Variants in CCDC80 observed in about 807,000 individuals in gnomAD.
CCDC80 encodes coiled-coil domain containing 80.
A neutral mutation model predicts 78.7 loss-of-function variants in CCDC80; 49 were observed. That is an observed-to-expected ratio of 0.62 (90% CI 0.50 to 0.79). The LOEUF is 0.79. Ranked by LOEUF, CCDC80 falls within the 30% of genes least tolerant of loss-of-function variation. CCDC80 has a pLI of 0.00. For missense variants in CCDC80, 1,205 were observed against 1,198.6 expected (o/e 1.01, Z -0.08); for synonymous variants, 488 against 447.0 (o/e 1.09, Z -1.16).
chr3:112,610,182 C>A, intron 5 of CCDC80, 101 bp from the exon 6 acceptor site: 1 of 959,284 alleles, frequency 1.0e-6, no homozygotes, highest in Admixed American at 2.1e-5. Flanking sequence ...TTTTTCTGTG[C>A]CCAGAAAAAA....
chr3:112,625,023 G>T (rs554372522), intron 3 of CCDC80, among the ~76,000 whole-genome samples: 1 of 152,220 alleles, frequency 6.6e-6, no homozygotes, highest in East Asian at 1.9e-4. Flanking sequence ...GGGGAGGTGG[G>T]AGTCTGAATT....
intron 3 of CCDC80, among the ~76,000 whole-genome samples, chr3:112,622,641 C>A (rs2107483748): frequency 6.6e-6 from 1 of 151,906 alleles, no homozygotes; most frequent in South Asian, 2.1e-4. Context: ...AAGAAAAATT[C>A]TTTTTTTAAA....
intron 6 of CCDC80, 112 bp from the exon 7 acceptor site, chr3:112,607,368 G>A (rs1025435887): frequency 2.6e-5 from 18 of 684,238 alleles, no homozygotes; most frequent in African/African-American, 2.4e-4. Flanking sequence ...AAAGAATATA[G>A]AGCATAACCC....
At chr3:112,608,797 T>C (rs927363321) in intron 6 of CCDC80, among the ~76,000 whole-genome samples, 11 of 152,202 alleles carry the variant, frequency 7.2e-5, no homozygotes, top group Admixed American at 5.9e-4. Flanking sequence ...AATAAAAATT[T>C]CTGAATTTTC....
intron 3 of CCDC80, 119 bp downstream of exon 3, chr3:112,629,994 C>T: frequency 1.1e-6 from 1 of 906,972 alleles, no homozygotes; most frequent in East Asian, 2.6e-5. Flanking sequence ...GTTATCACAA[C>T]CAAAGAGCCC....
intron 3 of CCDC80, among the ~76,000 whole-genome samples, chr3:112,628,223 C>T (rs1936019675): frequency 6.6e-6 from 1 of 152,046 alleles, no homozygotes; most frequent in Admixed American, 6.6e-5. Context: ...TTGAAAAATC[C>T]AGGAAACAAA....
In CCDC80 at chr3:112,639,827, C is replaced by T; in HGVS notation, c.79G>A (p.Ala27Thr). Residue 27 changes from alanine to threonine, a missense_variant, in exon 2 of 8, where the codon GCC becomes ACC. Coordinates refer to ENST00000206423, the MANE Select transcript of CCDC80 (RefSeq NM_199511.3). Reference sequence around the variant, plus strand: ...CCTCCGTGGCTGCCTCTAATAGTGGCATGGGGGTGGGGTTCTGATCCACAC... The same window carrying T: ...CCTCCGTGGCTGCCTCTAATAGTGGTATGGGGGTGGGGTTCTGATCCACAC... ...LVCGSEPHPH[A>T]TIRGSHGGRK... is the part of the protein sequence containing the mutation. 6.2e-7 allele frequency: 1 copy of T among 1,614,088 alleles called. No individual in the cohort carries two copies. Among genetic ancestry groups the T allele is most frequent in the Non-Finnish European group, 8.5e-7 (1 of 1,180,030 alleles).
rs61732242 is a variant in CCDC80, at chr3:112,610,009, G to A, written c.2394C>T (p.Leu798=). The part of the protein sequence containing the change: ...NDEDWAYSQQ[L]SALSGQACNF... ...TGCACGCCTGACCACTGAGGGCAGA[G>A]AGCTGCTGTGAATAGGCCCAGTCTT... The change falls in exon 6 of 8, where the codon CTC becomes CTT. Residue 798 remains leucine (L), a synonymous_variant. Coordinates refer to ENST00000206423, the MANE Select transcript of CCDC80 (RefSeq NM_199511.3). 6.2e-7 allele frequency: 1 copy of A among 1,614,018 alleles called. No individual in the cohort carries two copies. Among genetic ancestry groups the A allele is most frequent in the East Asian group, 2.2e-5 (1 of 44,874 alleles).
chr3:112,617,998 A>G (rs540262232), intron 4 of CCDC80, among the ~76,000 whole-genome samples: 1 of 152,250 alleles, frequency 6.6e-6, no homozygotes, highest in Non-Finnish European at 1.5e-5. Flanking sequence ...ACCTTGGGCT[A>G]GTTACTTAAC....
intron 4 of CCDC80, among the ~76,000 whole-genome samples, chr3:112,617,231 T>C (rs1234221370): frequency 6.6e-6 from 1 of 152,162 alleles, no homozygotes; most frequent in Admixed American, 6.5e-5. Context: ...GGAAACTAAA[T>C]GGAATAACAT....
rs71633304 is a variant in CCDC80 at position 112,601,677 on chromosome 3, C to CAAAAAAAAAAAAAA, written c.*3739_*3740insTTTTTTTTTTTTTT. The CAAAAAAAAAAAAAA allele has an allele frequency of 3.5e-5, 3 of 86,340 alleles. No individual in the cohort carries two copies. Among genetic ancestry groups the CAAAAAAAAAAAAAA allele is most frequent in the African/African-American group, 1.6e-4 (3 of 19,320 alleles). 5.3% of individuals were successfully genotyped at this position (86,340 alleles called of 1,614,324 possible). A position where few individuals can be genotyped will look rare whatever the true frequency, so the allele number is the denominator to read the frequency against. ...CTGGGTGACAGAGTGAGACCCTCTC[C>CAAAAAAAAAAAAAA]AAAAAAAGAAAAAAAAAAAGAGAAA... On this transcript the variant is annotated 3_prime_UTR_variant, in exon 8 of 8. Coordinates refer to ENST00000206423, the MANE Select transcript of CCDC80 (RefSeq NM_199511.3).
chr3:112,616,110 T>A (rs1264565594), intron 5 of CCDC80, among the ~76,000 whole-genome samples: 9 of 152,150 alleles, frequency 5.9e-5, no homozygotes, highest in Non-Finnish European at 8.8e-5. Flanking sequence ...GTTTTTACAC[T>A]CTTCTCTGGG....
At chr3:112,610,868 T>C (rs1935608395) in intron 5 of CCDC80, among the ~76,000 whole-genome samples, 1 of 151,946 alleles carries the variant, frequency 6.6e-6, no homozygotes, top group Non-Finnish European at 1.5e-5. Flanking sequence ...TGTCACTCAA[T>C]TCACCAAAGT....
rs776417755 is a variant in CCDC80, at chr3:112,639,721, T to A, written c.185A>T (p.Glu62Val). 2.5e-6 allele frequency: 4 copies of A among 1,614,072 alleles called. No individual in the cohort carries two copies. Reference protein sequence around the residue: ...LRHTGRSRGIERSTLEEPNLQ... With the variant: ...LRHTGRSRGIVRSTLEEPNLQ... ...GTTTGGTTCCTCCAGAGTGGATCTC[T>A]CAATTCCGCGAGACCTCCCAGTGTG... Residue 62 changes from glutamate (E) to valine (V), a missense_variant, in exon 2 of 8, where the codon GAG becomes GTG. Physicochemically the swap from Glu to Val is moderately radical, Grantham distance 121. Coordinates refer to ENST00000206423, the MANE Select transcript of CCDC80 (RefSeq NM_199511.3).
chr3:112,606,605 T>C (rs1277757121), intron 7 of CCDC80, among the ~76,000 whole-genome samples: 2 of 152,104 alleles, frequency 1.3e-5, no homozygotes, highest in African/African-American at 4.8e-5. Flanking sequence ...TTTGTATTTT[T>C]AGTAGAGACG....
chr3:112,640,299 T>C (rs1320317869), intron 1 of CCDC80, 28 bp downstream of exon 1: 2 of 188,016 alleles, frequency 1.1e-5, no homozygotes, highest in Non-Finnish European at 2.2e-5. Context: ...AATAAACAGA[T>C]CAAAGACAGA....
intron 2 of CCDC80, 83 bp downstream of exon 2, chr3:112,637,945 A>G (rs1272383892): frequency 6.6e-7 from 1 of 1,524,018 alleles, no homozygotes; most frequent in African/African-American, 1.4e-5. Flanking sequence ...ATCTAGCAAT[A>G]TGATTTTTAC....
chr3:112,619,122 G>A lies in CCDC80; in HGVS notation c.2036-18C>T. The A allele has an allele frequency of 6.4e-7, 1 of 1,551,774 alleles. No individual in the cohort carries two copies. Among genetic ancestry groups the A allele is most frequent in the Non-Finnish European group, 8.7e-7 (1 of 1,151,952 alleles). Reference sequence around the variant, plus strand: ...CTCATTATCTTAAGGGAAATAAAATGTGAATGAATATGGGTGTGGCAAGGC... The same window carrying A: ...CTCATTATCTTAAGGGAAATAAAATATGAATGAATATGGGTGTGGCAAGGC... On this transcript the variant is annotated intron_variant, in intron 3 of 7. Transcript: ENST00000206423.
At position 112,598,010 on chromosome 3, in the gene CCDC80, G is replaced by A. The variant is rs1436708327; in HGVS notation, c.*7407C>T. On this transcript the variant is annotated 3_prime_UTR_variant, in exon 8 of 8. Coordinates refer to ENST00000206423, the MANE Select transcript of CCDC80 (RefSeq NM_199511.3). ...CGTATAACTTGAGTCTAAATTTTAAGTTAGTATCCTGTATTAAGAACTGGG... is the reference window on the plus strand; with the variant it reads ...CGTATAACTTGAGTCTAAATTTTAAATTAGTATCCTGTATTAAGAACTGGG... 1 of 152,158 alleles carries A rather than the reference G, an allele frequency of 6.6e-6. No individual in the cohort carries two copies. The highest frequency in any genetic ancestry group is 1.5e-5 in the Non-Finnish European group (1 of 68,040). 9.4% of individuals were successfully genotyped at this position (152,158 alleles called of 1,614,324 possible).
Sources: allele counts gnomAD v4.1 joint callset (sites outside exome capture counted in the v4.1 genomes callset), GRCh38; gene constraint gnomAD v4.1.1; transcripts MANE v1.5; gene names NCBI Gene and HGNC (gene_info 2026-07-23, HGNC 2026-07-21).